Variants in ADAM32 observed in about 807,000 individuals in gnomAD.
ADAM32 encodes the protein ADAM metallopeptidase domain 32, also known as disintegrin and metalloproteinase domain-containing protein 32.
Under a neutral mutation model 114.9 loss-of-function variants are expected in ADAM32, and 89 were observed. The observed-to-expected ratio is 0.77, with a 90% CI of 0.65 to 0.92. The LOEUF (loss-of-function observed/expected upper bound fraction) is 0.92. ADAM32 is among the 40% of genes least tolerant of loss of function. ADAM32 has a pLI of 0.00. For synonymous variants in ADAM32, 285 were observed against 307.5 expected (o/e 0.93, Z 0.77); for missense variants, 870 against 932.8 (o/e 0.93, Z 0.88).
intron 19 of ADAM32, among the ~76,000 whole-genome samples, chr8:39,267,975 G>C (rs1215092540): frequency 1.3e-5 from 2 of 152,184 alleles, no homozygotes; most frequent in Admixed American, 6.5e-5. Context: ...AAGAAGTCTG[G>C]CCTTGAAAGC....
chr8:39,189,092 G>A (rs57494041), intron 11 of ADAM32, among the ~76,000 whole-genome samples: 3,578 of 152,132 alleles, frequency 0.024, 151 homozygotes, highest in African/African-American at 0.082. Context: ...CCTATTAAAA[G>A]CCAGATAATT....
At chr8:39,112,981 A>C (rs1427493468) in intron 1 of ADAM32, among the ~76,000 whole-genome samples, 4 of 152,098 alleles carry the variant, frequency 2.6e-5, no homozygotes, top group Admixed American at 2.6e-4. Context: ...TCCCATTGAG[A>C]GGTAGAATGT....
At chr8:39,150,609 GA>G (rs1803764728) in intron 5 of ADAM32, among the ~76,000 whole-genome samples, 1 of 152,070 alleles carries the variant, frequency 6.6e-6, no homozygotes. Flanking sequence ...ATTCTGTCAG[GA>G]AATTTTCCAC....
intron 6 of ADAM32, among the ~76,000 whole-genome samples, chr8:39,154,502 G>A (rs1164623889): frequency 6.6e-6 from 1 of 152,134 alleles, no homozygotes; most frequent in Non-Finnish European, 1.5e-5. Context: ...ATAAACATAT[G>A]TGTGCATGTG....
intron 1 of ADAM32, among the ~76,000 whole-genome samples, chr8:39,113,202 C>T (rs1478287184): frequency 6.6e-6 from 1 of 152,152 alleles, no homozygotes. Context: ...TCAACCTAGG[C>T]CGTTCAGTCA....
At chr8:39,134,930 C>T (rs1159263054) in intron 2 of ADAM32, among the ~76,000 whole-genome samples, 4 of 152,012 alleles carry the variant, frequency 2.6e-5, no homozygotes, top group Non-Finnish European at 4.4e-5. Flanking sequence ...CCGAGGTGGG[C>T]GAGTCACCTG....
intron 11 of ADAM32, among the ~76,000 whole-genome samples, chr8:39,205,387 G>A (rs1056029662): frequency 6.6e-5 from 10 of 152,230 alleles, no homozygotes; most frequent in Non-Finnish European, 1.3e-4. Flanking sequence ...TGCTGTGCTA[G>A]CAATGAGTGA....
At chr8:39,187,550 C>T (rs548052532) in intron 11 of ADAM32, among the ~76,000 whole-genome samples, 1 of 152,178 alleles carries the variant, frequency 6.6e-6, no homozygotes, top group South Asian at 2.1e-4. Context: ...GGATTACAGG[C>T]GTGAGCCACC....
chr8:39,120,889 C>G (rs1840561657), intron 2 of ADAM32, among the ~76,000 whole-genome samples: 1 of 151,794 alleles, frequency 6.6e-6, no homozygotes. Flanking sequence ...GTGTTCTAGT[C>G]TTTTGTAGAA....
At chr8:39,192,038 G>C (rs1010944172) in intron 11 of ADAM32, among the ~76,000 whole-genome samples, 1 of 152,150 alleles carries the variant, frequency 6.6e-6, no homozygotes, top group Non-Finnish European at 1.5e-5. Context: ...TGGTTAGTTG[G>C]CTATTTATTA....
At chr8:39,164,258 C>T (rs1804693522) in intron 7 of ADAM32, among the ~76,000 whole-genome samples, 1 of 152,184 alleles carries the variant, frequency 6.6e-6, no homozygotes, top group African/African-American at 2.4e-5. Flanking sequence ...ATTATGTTTT[C>T]ATGCTGAGCA....
At chr8:39,271,479 T>C (rs1585694461) in intron 20 of ADAM32, among the ~76,000 whole-genome samples, 1 of 130,230 alleles carries the variant, frequency 7.7e-6, no homozygotes, top group Non-Finnish European at 1.6e-5. Flanking sequence ...AAAAAGCCAC[T>C]AAAGGTGGTG....
At chr8:39,113,694 C>G (rs138495848) in intron 1 of ADAM32, among the ~76,000 whole-genome samples, 54 of 152,264 alleles carry the variant, frequency 3.5e-4, no homozygotes, top group African/African-American at 1.2e-3. Flanking sequence ...ACTGAAACAT[C>G]TAGGGCACTT....
chr8:39,114,861 T>G lies in ADAM32; in HGVS notation c.59-3225T>G, dbSNP rs1840311889. Among the ~76,000 whole-genome samples, 3 of 152,202 alleles carry G rather than the reference T, an allele frequency of 2.0e-5. No individual in the cohort carries two copies. The South Asian group carries it at 6.2e-4, about 32-fold the overall frequency. The stretch of plus-strand genomic sequence containing the variant: ...TCTGAGAAGTAGTTTTTCAGTCCTC[T>G]CCCTCCTCCCATCCTCCACCTTCAA... On this transcript the variant is annotated intron_variant, in intron 1 of 24. Transcript: ENST00000379907.
In ADAM32 at chr8:39,246,138, T is replaced by C; in HGVS notation, c.1874T>C (p.Val625Ala). ...ESRIIKASAH[V>A]CSQQCSGHGV... ...AGGATAATTAAGGCTTCAGCACATG[T>C]TTGTTCACAACAGTGTTCTGGACAT... Residue 625 changes from valine to alanine, a missense_variant, in exon 17 of 25, where the codon GTT becomes GCT. Physicochemically the swap from Val to Ala is moderately conservative, Grantham distance 64. Coordinates refer to ENST00000379907, the MANE Select transcript of ADAM32 (RefSeq NM_145004.7). The C allele has an allele frequency of 3.7e-6, 6 of 1,613,520 alleles. No individual in the cohort carries two copies. The South Asian group carries it at 5.5e-5, about 15-fold the overall frequency.
chr8:39,276,669 A>T (rs772355214), intron 22 of ADAM32, among the ~76,000 whole-genome samples: 9 of 152,180 alleles, frequency 5.9e-5, no homozygotes, highest in Non-Finnish European at 1.2e-4. Context: ...CCTCTTCAAT[A>T]AGAATGCCTG....
intron 14 of ADAM32, among the ~76,000 whole-genome samples, 159 bp from the exon 15 acceptor site, chr8:39,231,868 G>A (rs540553620): frequency 7.9e-5 from 12 of 152,202 alleles, no homozygotes; most frequent in African/African-American, 2.9e-4. Flanking sequence ...AGTGGGCATT[G>A]CCTTTCACTT....
intron 17 of ADAM32, among the ~76,000 whole-genome samples, chr8:39,249,199 A>G (rs1367305813): frequency 6.6e-6 from 1 of 152,078 alleles, no homozygotes; most frequent in Non-Finnish European, 1.5e-5. Context: ...CCACTGTGCC[A>G]GGCCTGAGTG....
intron 2 of ADAM32, among the ~76,000 whole-genome samples, chr8:39,133,248 C>A (rs897792413): frequency 6.6e-6 from 1 of 152,184 alleles, no homozygotes; most frequent in African/African-American, 2.4e-5. Flanking sequence ...CTCTCTCTTT[C>A]TTCCTCTCTC....
Sources: allele counts gnomAD v4.1 joint callset (sites outside exome capture counted in the v4.1 genomes callset), GRCh38; gene constraint gnomAD v4.1.1; transcripts MANE v1.5; gene names NCBI Gene and HGNC (gene_info 2026-07-23, HGNC 2026-07-21).